DSCAM: variants seen among roughly 807,000 people sequenced by gnomAD.
The protein encoded by DSCAM is DS cell adhesion molecule, also known as cell adhesion molecule DSCAM.
In DSCAM, 47 loss-of-function variants were observed where a neutral mutation model predicts 217.7. That is an observed-to-expected ratio of 0.22 (90% CI 0.17 to 0.28). DSCAM has a LOEUF of 0.28. DSCAM is among the 10% of genes least tolerant of loss of function. The pLI is 1.00. For missense variants in DSCAM, 2,080 were observed against 2,618.3 expected (o/e 0.79, Z 4.49); for synonymous variants, 1,056 against 1,015.3 (o/e 1.04, Z -0.76).
At chr21:40,637,586 CATATATAAATATATATATAAATATATAT>C (rs1378740634) in intron 3 of DSCAM, among the ~76,000 whole-genome samples, 4 of 45,736 alleles carry the variant, frequency 8.7e-5, no homozygotes, top group Non-Finnish European at 1.2e-4. Flanking sequence ...TAAATATATA[CATATATAAATATATATATAAATATATAT>C]AAATATATAC....
intron 10 of DSCAM, among the ~76,000 whole-genome samples, chr21:40,278,504 G>T (rs375373036): frequency 1.3e-5 from 2 of 152,222 alleles, no homozygotes; most frequent in South Asian, 2.1e-4. Context: ...AGACCAGGGT[G>T]GGGGCAAGAC....
At chr21:40,129,663 A>T (rs1338793641) in intron 19 of DSCAM, among the ~76,000 whole-genome samples, 1 of 152,204 alleles carries the variant, frequency 6.6e-6, no homozygotes. Context: ...TGCACATGGC[A>T]CACTACCATA....
At chr21:40,187,365 C>G in intron 13 of DSCAM, 106 bp from the exon 14 acceptor site, 1 of 1,392,008 alleles carries the variant, frequency 7.2e-7, no homozygotes. Flanking sequence ...CTGCATTAGA[C>G]AAGAACAGAA....
At chr21:40,745,713 G>A (rs1002328380) in intron 1 of DSCAM, among the ~76,000 whole-genome samples, 8 of 151,938 alleles carry the variant, frequency 5.3e-5, no homozygotes, top group Non-Finnish European at 8.8e-5. Flanking sequence ...AAGATCTAAC[G>A]GTATAAAATT....
intron 32 of DSCAM, among the ~76,000 whole-genome samples, chr21:40,026,293 T>A (rs1253248074): frequency 7.1e-6 from 1 of 140,694 alleles, no homozygotes; most frequent in Non-Finnish European, 1.6e-5. Flanking sequence ...TACTTCCAAG[T>A]ATGTGGTCAA....
At chr21:40,755,790 T>C (rs1329069877) in intron 1 of DSCAM, among the ~76,000 whole-genome samples, 1 of 152,224 alleles carries the variant, frequency 6.6e-6, no homozygotes, top group African/African-American at 2.4e-5. Context: ...ATAGCTTCTA[T>C]GGCAGACTAT....
chr21:40,687,861 C>T (rs529111940), intron 3 of DSCAM, among the ~76,000 whole-genome samples: 2 of 152,132 alleles, frequency 1.3e-5, no homozygotes, highest in Non-Finnish European at 2.9e-5. Flanking sequence ...TCTGCAGGGG[C>T]CTGGGGAGGG....
intron 9 of DSCAM, among the ~76,000 whole-genome samples, chr21:40,310,890 C>A (rs1554923): frequency 0.19 from 28,597 of 152,106 alleles, 5,067 homozygotes; most frequent in African/African-American, 0.46. Flanking sequence ...TGTCATGAGG[C>A]TGCTAAGTTT....
chr21:40,692,816 C>A lies in DSCAM; in HGVS notation c.502G>T (p.Val168Phe). Residue 168 changes from valine (V) to phenylalanine (F), a missense_variant, in exon 3 of 33, where the codon GTC (valine) becomes TTC (phenylalanine). By Grantham distance (50) the Val-to-Phe change is conservative. Transcript: ENST00000400454. ...VSWEKDTVSL[V>F]SGSRFLITST... ...CTGGAGACGCAAAGCCTACCTGAGACAAGTGAAACAGTGTCTTTCTCCCAT... is the reference window on the plus strand; with the variant it reads ...CTGGAGACGCAAAGCCTACCTGAGAAAAGTGAAACAGTGTCTTTCTCCCAT... 6.2e-7 allele frequency: 1 copy of A among 1,612,186 alleles called. No individual in the cohort carries two copies. Among genetic ancestry groups the A allele is most frequent in the South Asian group, 1.1e-5 (1 of 91,026 alleles).
At chr21:40,402,730 A>G (rs1312341992) in intron 3 of DSCAM, among the ~76,000 whole-genome samples, 1 of 151,742 alleles carries the variant, frequency 6.6e-6, no homozygotes, top group African/African-American at 2.4e-5. Context: ...TTCTTGAAGG[A>G]AAAATTCAAT....
At chr21:40,627,495 T>C (rs1341373812) in intron 3 of DSCAM, among the ~76,000 whole-genome samples, 1 of 152,216 alleles carries the variant, frequency 6.6e-6, no homozygotes, top group Non-Finnish European at 1.5e-5. Flanking sequence ...TCTTTAAATA[T>C]GCAATTTAAA....
rs2091501354 is a variant in DSCAM, at chr21:40,777,712, TAA to T, written c.43+68905_43+68906del. 2.0e-5 allele frequency among the ~76,000 whole-genome samples: 3 copies of T among 152,212 alleles called. No individual in the cohort carries two copies. In the South Asian group the frequency reaches 6.2e-4, roughly 32 times the overall value. On this transcript the variant is annotated intron_variant, in intron 1 of 32. Transcript: ENST00000400454. Reference sequence around the variant, plus strand: ...ATAACTAACTGGAATCTCAGGAATATAAAAGAAAATCATTAAAAAGATACAAT... The same window carrying T: ...ATAACTAACTGGAATCTCAGGAATATAAGAAAATCATTAAAAAGATACAAT...
At chr21:40,518,360 T>C (rs1245169871) in intron 3 of DSCAM, among the ~76,000 whole-genome samples, 2 of 24,650 alleles carry the variant, frequency 8.1e-5, no homozygotes, top group East Asian at 1.3e-3. Context: ...AGTTTGCCCA[T>C]ATATATATAT....
At chr21:40,072,733 G>A (rs1456767003) in intron 27 of DSCAM, among the ~76,000 whole-genome samples, 1 of 152,152 alleles carries the variant, frequency 6.6e-6, no homozygotes. Context: ...GCCATGGCAA[G>A]CTACTTTTCT....
intron 3 of DSCAM, among the ~76,000 whole-genome samples, chr21:40,651,096 G>T (rs964771098): frequency 6.6e-6 from 1 of 152,168 alleles, no homozygotes; most frequent in African/African-American, 2.4e-5. Flanking sequence ...ACTATGGCTA[G>T]GATTCTGGGG....
chr21:40,808,474 A>T (rs978640173), intron 1 of DSCAM, among the ~76,000 whole-genome samples: 6 of 139,502 alleles, frequency 4.3e-5, no homozygotes, highest in East Asian at 2.1e-4. Context: ...TACAACCATC[A>T]TTTTTTTTTT....
chr21:40,777,924 G>A (rs1035891558), intron 1 of DSCAM, among the ~76,000 whole-genome samples: 14 of 152,098 alleles, frequency 9.2e-5, no homozygotes, highest in African/African-American at 3.4e-4. Context: ...CTACAAAAAG[G>A]AAACAATTTA....
chr21:40,828,003 T>C (rs547554945), intron 1 of DSCAM, among the ~76,000 whole-genome samples: 10 of 152,108 alleles, frequency 6.6e-5, no homozygotes, highest in Non-Finnish European at 1.0e-4. Flanking sequence ...GGTGACAAGA[T>C]GGGAGGTGGT....
At chr21:40,776,900 A>C (rs1053146324) in intron 1 of DSCAM, among the ~76,000 whole-genome samples, 15 of 152,234 alleles carry the variant, frequency 9.9e-5, no homozygotes, top group Non-Finnish European at 2.1e-4. Flanking sequence ...TAATGAGCTA[A>C]GAAAAGAGGG....
Sources: allele counts gnomAD v4.1 joint callset (sites outside exome capture counted in the v4.1 genomes callset), GRCh38; gene constraint gnomAD v4.1.1; transcripts MANE v1.5; gene names NCBI Gene and HGNC (gene_info 2026-07-23, HGNC 2026-07-21).